Variants in NEDD9 observed in about 807,000 individuals in gnomAD.
NEDD9 encodes the protein neural precursor cell expressed, developmentally down-regulated 9, also known as enhancer of filamentation 1.
NEDD9 carries 26 observed loss-of-function variants against 76.6 expected under a neutral mutation model. The observed-to-expected ratio is 0.34, with a 90% CI of 0.25 to 0.47. The LOEUF (loss-of-function observed/expected upper bound fraction) is 0.47. Among genes scored for constraint, NEDD9 ranks in the 20% least tolerant of loss-of-function variants. NEDD9 has a pLI of 1.00. For missense variants in NEDD9, 937 were observed against 1,058.5 expected (o/e 0.89, Z 1.59); for synonymous variants, 392 against 414.2 (o/e 0.95, Z 0.65).
At position 11,190,168 on chromosome 6, in the gene NEDD9, C is replaced by A. The variant is rs569617048; in HGVS notation, c.1701G>T (p.Lys567Asn). The A allele has an allele frequency of 1.2e-6, 2 of 1,614,206 alleles. No homozygotes were observed. The highest frequency in any genetic ancestry group is 2.7e-5 in the African/African-American group (2 of 75,044). ...AGTTCATGATGCTCTCCGGCCCATTCTTCAGATGCAAGCTGCCAGGGCCGG... is the reference window on the plus strand; with the variant it reads ...AGTTCATGATGCTCTCCGGCCCATTATTCAGATGCAAGCTGCCAGGGCCGG... ...FRPGPGSLHL[K>N]NGPESIMNST... is the part of the protein sequence containing the mutation. The change falls in exon 5 of 7, where the codon AAG becomes AAT. Residue 567 changes from lysine to asparagine, a missense_variant. Physicochemically the swap from Lys to Asn is moderately conservative, Grantham distance 94 (BLOSUM62 0). Transcript: ENST00000379446. This position sits in a 1 kb window ranked among gnomAD's most constrained non-coding sequence, Gnocchi z 5.8.
intron 2 of NEDD9, among the ~76,000 whole-genome samples, chr6:11,333,056 A>AGGG (rs1762079675): frequency 7.0e-6 from 1 of 143,516 alleles, no homozygotes; most frequent in Non-Finnish European, 1.5e-5. Flanking sequence ...GGAAGGAAGG[A>AGGG]AGGAAGGGAG....
chr6:11,254,978 T>C (rs1188578494), intron 3 of NEDD9, among the ~76,000 whole-genome samples: 1 of 152,174 alleles, frequency 6.6e-6, no homozygotes, highest in Non-Finnish European at 1.5e-5. Context: ...TTGGGTTGAG[T>C]CTCTTTTCTC....
At chr6:11,303,385 G>A (rs376178629) in intron 3 of NEDD9, among the ~76,000 whole-genome samples, 27 of 152,198 alleles carry the variant, frequency 1.8e-4, no homozygotes, top group South Asian at 1.0e-3. Context: ...ACAAATGGAA[G>A]AACATTCCAT....
At position 11,213,709 on chromosome 6, in the gene NEDD9, A is replaced by T. The variant is rs757738519; in HGVS notation, c.31T>A (p.Leu11Ile). 1.2e-5 allele frequency: 19 copies of T among 1,614,000 alleles called. No homozygotes were observed. Among genetic ancestry groups the T allele is most frequent in the African/African-American group, 6.7e-5 (5 of 74,924 alleles). ...GCACACTCTGGGACATTGTCATATA[A>T]GGCCCTTGCCATAAGATTCTAGGAG... is the stretch of plus-strand genomic sequence containing the variant. MKYKNLMARALYDNVPECAEE... is the reference protein window; with the variant it reads MKYKNLMARAIYDNVPECAEE... Residue 11 changes from leucine (L) to isoleucine (I), a missense_variant, in exon 2 of 7, where the codon TTA becomes ATA. By Grantham distance (5) the Leu-to-Ile change is conservative. Coordinates refer to ENST00000379446, the MANE Select transcript of NEDD9 (RefSeq NM_006403.4). This position sits in a 1 kb window ranked among gnomAD's most constrained non-coding sequence, Gnocchi z 5.4.
intron 3 of NEDD9, among the ~76,000 whole-genome samples, chr6:11,245,755 A>G (rs1581981035): frequency 6.6e-6 from 1 of 152,226 alleles, no homozygotes; most frequent in Admixed American, 6.5e-5. Context: ...TTGTGGAAAT[A>G]CTTTAGCACA....
chr6:11,268,744 CAG>C (rs1554129146), intron 3 of NEDD9, among the ~76,000 whole-genome samples: 4,451 of 145,134 alleles, frequency 0.031, 85 homozygotes, highest in Middle Eastern at 0.059. Flanking sequence ...CACACACACA[CAG>C]ACACACACAC....
chr6:11,244,332 A>C (rs1469935475), intron 3 of NEDD9, among the ~76,000 whole-genome samples: 1 of 152,142 alleles, frequency 6.6e-6, no homozygotes, highest in Non-Finnish European at 1.5e-5. Flanking sequence ...AACCCTGATT[A>C]ATACACCTAT....
intron 2 of NEDD9, among the ~76,000 whole-genome samples, chr6:11,322,033 G>A (rs1761819541): frequency 6.6e-6 from 1 of 152,064 alleles, no homozygotes; most frequent in African/African-American, 2.4e-5. Flanking sequence ...ACAGGGACAT[G>A]GATGAAGCTG....
chr6:11,267,399 C>A (rs915300720), intron 3 of NEDD9, among the ~76,000 whole-genome samples: 11 of 148,020 alleles, frequency 7.4e-5, no homozygotes, highest in Admixed American at 2.7e-4. Context: ...AAAAAAAAAA[C>A]CACCACTTCC....
intron 3 of NEDD9, 55 bp downstream of exon 3, chr6:11,193,536 A>G: frequency 7.3e-7 from 1 of 1,364,944 alleles, no homozygotes; most frequent in Non-Finnish European, 1.0e-6. Context: ...ACAGCCCTGA[A>G]GGAATGCTAC....
At chr6:11,319,721 C>T (rs1245015157) in intron 2 of NEDD9, among the ~76,000 whole-genome samples, 1 of 138,892 alleles carries the variant, frequency 7.2e-6, no homozygotes, top group East Asian at 2.1e-4. Flanking sequence ...CAAACATGCA[C>T]ACTCACACAC....
intron 1 of NEDD9, among the ~76,000 whole-genome samples, chr6:11,346,486 C>G (rs115430203): frequency 1.7e-4 from 25 of 151,424 alleles, no homozygotes; most frequent in African/African-American, 3.2e-4. Context: ...GGCCCCCCCC[C>G]CCGAGGTGAG....
intron 1 of NEDD9, among the ~76,000 whole-genome samples, chr6:11,350,247 C>A (rs138140781): frequency 1.6e-3 from 247 of 152,282 alleles, no homozygotes; most frequent in African/African-American, 5.7e-3. Context: ...TTCAGTCTGA[C>A]CTCAAGAGGC....
At chr6:11,312,705 TA>T (rs1342145204) in intron 2 of NEDD9, among the ~76,000 whole-genome samples, 4 of 147,666 alleles carry the variant, frequency 2.7e-5, no homozygotes, top group African/African-American at 9.8e-5. Context: ...TATATATATA[TA>T]TATATTTTTA....
At chr6:11,209,178 A>AT (rs1186122210) in intron 2 of NEDD9, among the ~76,000 whole-genome samples, 19 of 152,234 alleles carry the variant, frequency 1.2e-4, no homozygotes, top group Non-Finnish European at 1.9e-4. Context: ...ATTGACCTAA[A>AT]TGTTTATTAA....
At chr6:11,372,153 A>T (rs1762889867) in intron 1 of NEDD9, among the ~76,000 whole-genome samples, 1 of 130,360 alleles carries the variant, frequency 7.7e-6, no homozygotes, top group African/African-American at 3.0e-5. Context: ...CCACAACGCT[A>T]CCCTTCCCAG....
intron 3 of NEDD9, 79 bp from the exon 4 acceptor site, chr6:11,192,525 A>G: frequency 1.0e-6 from 1 of 980,972 alleles, no homozygotes; most frequent in Non-Finnish European, 1.5e-6. Flanking sequence ...GCACTTAATT[A>G]TGGATTTATT....
chr6:11,234,235 C>T (rs145242056), upstream of NEDD9, among the ~76,000 whole-genome samples: 75 of 152,298 alleles, frequency 4.9e-4, no homozygotes, highest in African/African-American at 1.8e-3. Context: ...TGCATTGTAA[C>T]GATCTCCTTA....
At chr6:11,372,132 AT>A (rs985400264) in intron 1 of NEDD9, among the ~76,000 whole-genome samples, 5 of 149,920 alleles carry the variant, frequency 3.3e-5, no homozygotes, top group Non-Finnish European at 7.4e-5. Context: ...GCCCCCCATA[AT>A]CCCCCCCACC....
Sources: allele counts gnomAD v4.1 joint callset (sites outside exome capture counted in the v4.1 genomes callset), GRCh38; gene constraint gnomAD v4.1.1; non-coding constraint Gnocchi (gnomAD v3.1); transcripts MANE v1.5; gene names NCBI Gene and HGNC (gene_info 2026-07-23, HGNC 2026-07-21).